NNT: variants seen among roughly 807,000 people sequenced by gnomAD.
NNT encodes nicotinamide nucleotide transhydrogenase, also known as NAD(P) transhydrogenase, mitochondrial.
NNT carries 50 observed loss-of-function variants against 104.8 expected under a neutral mutation model. That is an observed-to-expected ratio of 0.48 (90% CI 0.38 to 0.60). The LOEUF (loss-of-function observed/expected upper bound fraction) is 0.60. NNT is among the 20% of genes least tolerant of loss of function. NNT has a pLI of 0.00. For missense variants in NNT, 1,131 were observed against 1,330.7 expected (o/e 0.85, Z 2.33); for synonymous variants, 461 against 490.4 (o/e 0.94, Z 0.79).
chr5:43,667,418 T>A (rs1349187889), intron 17 of NNT, among the ~76,000 whole-genome samples: 1 of 150,934 alleles, frequency 6.6e-6, no homozygotes, highest in East Asian at 2.0e-4. Context: ...CCCTCCCCAC[T>A]CCCCCCACCC....
At chr5:43,703,740 T>C (rs1180809285) in intron 21 of NNT, among the ~76,000 whole-genome samples, 1 of 152,226 alleles carries the variant, frequency 6.6e-6, no homozygotes. Context: ...ATTCTGTTAG[T>C]TATAGCTCTG....
At chr5:43,654,009 C>T (rs1471809411) in intron 14 of NNT, among the ~76,000 whole-genome samples, 2 of 151,478 alleles carry the variant, frequency 1.3e-5, no homozygotes, top group African/African-American at 2.4e-5. Flanking sequence ...TTGTTAAACA[C>T]AGCCATTATT....
intron 7 of NNT, among the ~76,000 whole-genome samples, chr5:43,630,351 G>A (rs543709322): frequency 1.3e-5 from 2 of 152,166 alleles, no homozygotes; most frequent in Admixed American, 1.3e-4. Flanking sequence ...AAACTGTGGT[G>A]ATAAATAAGA....
intron 7 of NNT, among the ~76,000 whole-genome samples, chr5:43,636,948 T>C (rs566246249): frequency 6.6e-6 from 1 of 152,322 alleles, no homozygotes; most frequent in African/African-American, 2.4e-5. Flanking sequence ...TTCTAAAATA[T>C]GCTGTTGACT....
chr5:43,690,701 A>G (rs868370586), intron 19 of NNT, among the ~76,000 whole-genome samples: 19 of 152,238 alleles, frequency 1.2e-4, no homozygotes, highest in Admixed American at 5.2e-4. Flanking sequence ...TTCCATAAAT[A>G]AAAGGCTGTC....
intron 3 of NNT, among the ~76,000 whole-genome samples, chr5:43,614,669 T>C (rs375420551): frequency 2.0e-5 from 3 of 152,214 alleles, no homozygotes; most frequent in South Asian, 2.1e-4. Flanking sequence ...CCAATGTTTG[T>C]GTTTGTATTT....
At chr5:43,671,330 T>C (rs1489246595) in intron 17 of NNT, among the ~76,000 whole-genome samples, 2 of 152,212 alleles carry the variant, frequency 1.3e-5, no homozygotes, top group Non-Finnish European at 2.9e-5. Context: ...GTTATTATGA[T>C]GTTAGCTGGT....
intron 17 of NNT, among the ~76,000 whole-genome samples, chr5:43,666,097 T>A (rs1740652469): frequency 6.7e-6 from 1 of 150,360 alleles, no homozygotes; most frequent in South Asian, 2.1e-4. Flanking sequence ...GAGGCGCTCC[T>A]CACTTCCCGG....
intron 10 of NNT, chr5:43,648,023 C>T: frequency 9.3e-7 from 1 of 1,073,092 alleles, no homozygotes; most frequent in South Asian, 1.3e-5. Flanking sequence ...AGCAGCAGAA[C>T]CAGGATTCAA....
At chr5:43,703,680 A>G (rs1269010046) in intron 21 of NNT, among the ~76,000 whole-genome samples, 3 of 152,228 alleles carry the variant, frequency 2.0e-5, no homozygotes, top group Non-Finnish European at 4.4e-5. Context: ...TGTCTATAAC[A>G]TATCAATATT....
At chr5:43,686,818 A>T (rs946196093) in intron 19 of NNT, among the ~76,000 whole-genome samples, 1 of 152,136 alleles carries the variant, frequency 6.6e-6, no homozygotes, top group African/African-American at 2.4e-5. Flanking sequence ...ACATCACTTA[A>T]ATCCCTCAGT....
chr5:43,684,729 A>T (rs1375432152), intron 19 of NNT, among the ~76,000 whole-genome samples: 2 of 138,172 alleles, frequency 1.4e-5, no homozygotes, highest in Non-Finnish European at 3.2e-5. Flanking sequence ...ATGATTGCTT[A>T]AAAAAAAAAC....
intron 10 of NNT, chr5:43,647,831 C>T: frequency 2.2e-6 from 1 of 449,436 alleles, no homozygotes; most frequent in Non-Finnish European, 4.5e-6. Flanking sequence ...CATTTAGTGA[C>T]TCCTAGGCAT....
rs772640118 is a variant in NNT, at chr5:43,653,147, G to A, written c.1993G>A (p.Val665Ile). 1 of 1,614,148 alleles carries A rather than the reference G, an allele frequency of 6.2e-7. No homozygotes were observed. Among genetic ancestry groups the A allele is most frequent in the South Asian group, 1.1e-5 (1 of 91,078 alleles). The stretch of plus-strand genomic sequence containing the variant: ...TGGAGGACTGGCAGCCACCCTCGGA[G>A]TCCTAAAACCGGGCCCAGAATTACT... ...VAGGLAATLG[V>I]LKPGPELLAQ... Residue 665 changes from valine to isoleucine, a missense_variant, in exon 14 of 22, where the codon GTC (valine) becomes ATC (isoleucine). Transcript: ENST00000344920.
intron 17 of NNT, 62 bp downstream of exon 17, chr5:43,659,412 G>A: frequency 1.5e-6 from 2 of 1,355,926 alleles, no homozygotes; most frequent in Non-Finnish European, 1.0e-6. Context: ...GGATGTGCAT[G>A]TCATTTCTTT....
At chr5:43,605,522 C>CAAAAAA (rs70997416) in intron 1 of NNT, among the ~76,000 whole-genome samples, 4 of 37,744 alleles carry the variant, frequency 1.1e-4, no homozygotes, top group African/African-American at 3.0e-4. Context: ...GACTCCGTCT[C>CAAAAAA]AAAAAAAAAA....
At chr5:43,637,473 A>G (rs758164679) in intron 7 of NNT, among the ~76,000 whole-genome samples, 1 of 152,178 alleles carries the variant, frequency 6.6e-6, no homozygotes, top group Non-Finnish European at 1.5e-5. Context: ...TTTAGCTGCC[A>G]GAAACAGAAA....
At chr5:43,631,137 C>A (rs1284333635) in intron 7 of NNT, among the ~76,000 whole-genome samples, 1 of 152,166 alleles carries the variant, frequency 6.6e-6, no homozygotes, top group Non-Finnish European at 1.5e-5. Context: ...CGCATCCCCC[C>A]AGAGCGGCTA....
At chr5:43,666,963 G>T (rs951125308) in intron 17 of NNT, 34 of 1,592,448 alleles carry the variant, frequency 2.1e-5, no homozygotes, top group Non-Finnish European at 2.6e-5. Flanking sequence ...CGAGCTTGCG[G>T]CTGACACCCT....
Sources: gnomAD v4.1 joint callset for allele counts (sites outside exome capture counted in the v4.1 genomes callset) on GRCh38, gnomAD v4.1.1 for gene constraint, MANE v1.5 for transcripts, NCBI Gene and HGNC (gene_info 2026-07-23, HGNC 2026-07-21) for gene names.